Variants in ZNF652 observed in about 807,000 individuals in gnomAD.
ZNF652 encodes the protein zinc finger protein 652.
In ZNF652, 16 loss-of-function variants were observed where a neutral mutation model predicts 45.2. The observed-to-expected ratio is 0.35, with a 90% CI of 0.24 to 0.54. The LOEUF is 0.54. Ranked by LOEUF, ZNF652 falls within the 20% of genes least tolerant of loss-of-function variation. The pLI is 0.91. For missense variants in ZNF652, 614 were observed against 765.6 expected (o/e 0.80, Z 2.34); for synonymous variants, 250 against 260.6 (o/e 0.96, Z 0.39).
chr17:49,335,936 T>C (rs2070075069), intron 1 of ZNF652, among the ~76,000 whole-genome samples: 1 of 152,160 alleles, frequency 6.6e-6, no homozygotes, highest in South Asian at 2.1e-4. Flanking sequence ...TCCTCTGCCT[T>C]AGTCAGAAAG....
chr17:49,325,722 T>C (rs1487213371), intron 1 of ZNF652, among the ~76,000 whole-genome samples: 1 of 151,974 alleles, frequency 6.6e-6, no homozygotes, highest in Non-Finnish European at 1.5e-5. Flanking sequence ...ACTTGGAAGG[T>C]TGAGGCACGA....
At chr17:49,324,740 T>A (rs959356324) in intron 1 of ZNF652, among the ~76,000 whole-genome samples, 2 of 138,312 alleles carry the variant, frequency 1.4e-5, no homozygotes, top group Admixed American at 1.5e-4. Context: ...AGCACTTTTT[T>A]TTTTTTTTTT....
At chr17:49,347,143 T>C (rs556335713) in intron 1 of ZNF652, among the ~76,000 whole-genome samples, 3 of 152,332 alleles carry the variant, frequency 2.0e-5, no homozygotes, top group African/African-American at 4.8e-5. Context: ...ACTCATTCTT[T>C]TGAAAACAGA....
intron 1 of ZNF652, among the ~76,000 whole-genome samples, chr17:49,335,934 C>T: frequency 6.6e-6 from 1 of 152,070 alleles, no homozygotes; most frequent in East Asian, 1.9e-4. Context: ...AATCCTCTGC[C>T]TTAGTCAGAA....
chr17:49,305,166 C>T (rs926029488), intron 5 of ZNF652, among the ~76,000 whole-genome samples: 1 of 152,072 alleles, frequency 6.6e-6, no homozygotes, highest in African/African-American at 2.4e-5. Context: ...TACTGATATC[C>T]AATCAATCAC....
intron 1 of ZNF652, among the ~76,000 whole-genome samples, chr17:49,328,413 T>C (rs1006512935): frequency 3.3e-5 from 5 of 152,132 alleles, no homozygotes; most frequent in African/African-American, 1.2e-4. Context: ...AATGCTGATA[T>C]GGTTTGGATG....
chr17:49,328,388 CCTA>C (rs1460440065), intron 1 of ZNF652, among the ~76,000 whole-genome samples: 4 of 151,876 alleles, frequency 2.6e-5, no homozygotes, highest in Non-Finnish European at 5.9e-5. Context: ...GCATGATTAC[CCTA>C]CAATAACTTG....
intron 1 of ZNF652, among the ~76,000 whole-genome samples, chr17:49,360,934 T>C (rs1324507818): frequency 1.3e-5 from 2 of 152,156 alleles, no homozygotes; most frequent in Admixed American, 6.5e-5. Context: ...GGATACACTA[T>C]GATAATGATG....
rs1567699039 is a variant in ZNF652 at position 49,348,489 on chromosome 17, G to GAAAAGAAAAGAAAAGAA, written c.-259+13403_-259+13419dup. 7.7e-5 allele frequency among the ~76,000 whole-genome samples: 3 copies of GAAAAGAAAAGAAAAGAA among 38,872 alleles called. No homozygotes were observed. The East Asian group carries it at 1.6e-3, about 21-fold the overall frequency. 25.5% of individuals were successfully genotyped at this position (38,872 alleles called of 152,430 possible). A position where few individuals can be genotyped will look rare whatever the true frequency, so the allele number is the denominator to read the frequency against. On this transcript the variant is annotated intron_variant, in intron 1 of 5. Coordinates refer to ENST00000430262, the MANE Select transcript of ZNF652 (RefSeq NM_001145365.3). ...CAAGACCTTGCCTCAAAAAAGAAAA[G>GAAAAGAAAAGAAAAGAA]AAAAGAAAAGAAAAGAAAAGAAAAG...
At chr17:49,299,473 C>T (rs563433976) in intron 5 of ZNF652, among the ~76,000 whole-genome samples, 36 of 152,114 alleles carry the variant, frequency 2.4e-4, no homozygotes, top group Admixed American at 2.0e-4. Flanking sequence ...CTCCACCTCC[C>T]GGGTTCTAAT....
chr17:49,298,952 T>C, intron 5 of ZNF652, 28 bp from the exon 6 acceptor site: 1 of 1,579,940 alleles, frequency 6.3e-7, no homozygotes, highest in Non-Finnish European at 8.6e-7. Flanking sequence ...ATAAAAATGA[T>C]TAACATATTA....
intron 1 of ZNF652, among the ~76,000 whole-genome samples, chr17:49,359,352 T>C (rs184251377): frequency 1.4e-4 from 21 of 152,308 alleles, no homozygotes; most frequent in Non-Finnish European, 2.4e-4. Context: ...TTATAGGGTA[T>C]GCTGCATAAT....
At chr17:49,330,887 C>T (rs2070015746) in intron 1 of ZNF652, among the ~76,000 whole-genome samples, 2 of 139,710 alleles carry the variant, frequency 1.4e-5, no homozygotes, top group African/African-American at 5.2e-5. Context: ...CCTGTCTCTA[C>T]TAAAACAAAC....
Position 49,298,283 on chromosome 17 carries a change from A to G in ZNF652, c.*130T>C. ...TTCATTCCCTTGGATCTGTTGATTCAGTGACACTGGCGAAGCTCTTGGTAG... is the reference window on the plus strand; with the variant it reads ...TTCATTCCCTTGGATCTGTTGATTCGGTGACACTGGCGAAGCTCTTGGTAG... On this transcript the variant is annotated 3_prime_UTR_variant, in exon 6 of 6. Transcript: ENST00000430262. The G allele has an allele frequency of 1.7e-6, 2 of 1,144,466 alleles. No individual in the cohort carries two copies. Among genetic ancestry groups the G allele is most frequent in the Non-Finnish European group, 2.4e-6 (2 of 818,706 alleles). The allele number at this position is 1,144,466 out of a possible 1,614,324, so 70.9% of individuals were successfully genotyped here. A position where few individuals can be genotyped will look rare whatever the true frequency, so the allele number is the denominator to read the frequency against.
intron 1 of ZNF652, among the ~76,000 whole-genome samples, chr17:49,350,987 A>G (rs1289374389): frequency 0.01 from 199 of 19,060 alleles, 4 homozygotes; most frequent in Middle Eastern, 0.029. Context: ...ATATATATAT[A>G]TATATATATA....
chr17:49,316,079 C>T lies in ZNF652; in HGVS notation c.900+747G>A, dbSNP rs567122420. On this transcript the variant is annotated intron_variant, in intron 2 of 5. Coordinates refer to ENST00000430262, the MANE Select transcript of ZNF652 (RefSeq NM_001145365.3). ...GAATATTCATTAATATGCATTCACA[C>T]GTGCAAACCAATATAACTGCAATCC... Among the ~76,000 whole-genome samples the T allele has an allele frequency of 6.0e-4, 92 of 152,290 alleles. 1 individual carries two copies. The highest frequency in any genetic ancestry group is 1.4e-3 in the Admixed American group (21 of 15,296).
chr17:49,292,679 T>A lies in ZNF652; in HGVS notation c.*5734A>T, dbSNP rs1157249991. Among the ~76,000 whole-genome samples, 2 of 152,096 alleles carry A rather than the reference T, an allele frequency of 1.3e-5. No individual in the cohort carries two copies. Among genetic ancestry groups the A allele is most frequent in the Non-Finnish European group, 1.5e-5 (1 of 68,024 alleles). ...AAAAAGGTGTTCAAAAGACATTCAA[T>A]GACCTTTAATTTTAAAGGAACGTCA... On this transcript the variant is annotated 3_prime_UTR_variant, in exon 6 of 6. Transcript: ENST00000430262.
chr17:49,295,035 G>A lies in ZNF652; in HGVS notation c.*3378C>T, dbSNP rs971054689. 3 of 151,874 alleles carry A rather than the reference G, an allele frequency of 2.0e-5. No homozygotes were observed. Among genetic ancestry groups the A allele is most frequent in the Admixed American group, 6.6e-5 (1 of 15,254 alleles). The allele number at this position is 151,874 out of a possible 1,614,324, so 9.4% of individuals were successfully genotyped here. ...AGTTTGAGTCTTAAGCATGTTAAAC[G>A]TGTTGCACATATATGTTTAAGGCTT... On this transcript the variant is annotated 3_prime_UTR_variant, in exon 6 of 6. Transcript: ENST00000430262.
At chr17:49,302,753 G>A (rs2069571913) in intron 5 of ZNF652, among the ~76,000 whole-genome samples, 1 of 152,108 alleles carries the variant, frequency 6.6e-6, no homozygotes, top group South Asian at 2.1e-4. Context: ...TTTGAGGTCA[G>A]GAGTTCGAGA....
Sources: gnomAD v4.1 joint callset for allele counts (sites outside exome capture counted in the v4.1 genomes callset) on GRCh38, gnomAD v4.1.1 for gene constraint, MANE v1.5 for transcripts, NCBI Gene and HGNC (gene_info 2026-07-23, HGNC 2026-07-21) for gene names.